PTPRN2: variants seen among roughly 807,000 people sequenced by gnomAD.
PTPRN2 encodes protein tyrosine phosphatase receptor type N2.
A neutral mutation model predicts 118.8 loss-of-function variants in PTPRN2; 74 were observed. The ratio of observed to expected loss-of-function variants is 0.62; its 90% CI spans 0.52 to 0.76. The LOEUF is 0.76. Among genes scored for constraint, PTPRN2 ranks in the 30% least tolerant of loss-of-function variants. The pLI, the probability that PTPRN2 is intolerant of heterozygous loss-of-function variation, is 0.00. For missense variants in PTPRN2, 1,481 were observed against 1,394.4 expected, an observed-to-expected ratio of 1.06 and a Z score of -0.99; for synonymous variants, 641 against 608.0, an observed-to-expected ratio of 1.05 and a Z score of -0.80.
intron 5 of PTPRN2, among the ~76,000 whole-genome samples, chr7:158,168,190 A>G (rs73745199): frequency 0.024 from 3,701 of 152,312 alleles, 129 homozygotes; most frequent in African/African-American, 0.071. Flanking sequence ...TTGTCCTAGC[A>G]GTTGGAAAGC....
At chr7:158,037,412 C>T (rs1808161651) in intron 11 of PTPRN2, among the ~76,000 whole-genome samples, 1 of 152,200 alleles carries the variant, frequency 6.6e-6, no homozygotes, top group East Asian at 1.9e-4. Context: ...CAGCCCACTG[C>T]ACACCCACAA....
rs78228522 is a variant in PTPRN2, at chr7:157,974,131, C to T, written c.1724-75394G>A. ...CTGGACGGTGGGTTGGCGGTGTTGACGCTGCACAGGTCATGAGCGCCGGCC... is the reference window on the plus strand; with the variant it reads ...CTGGACGGTGGGTTGGCGGTGTTGATGCTGCACAGGTCATGAGCGCCGGCC... On this transcript the variant is annotated intron_variant, in intron 11 of 22. Transcript: ENST00000389418. This position sits in a 1 kb window ranked among gnomAD's most constrained non-coding sequence, Gnocchi z 4.0. Among the ~76,000 whole-genome samples the T allele has an allele frequency of 6.2e-3, 937 of 152,308 alleles. 8 individuals are homozygous for T. The highest frequency in any genetic ancestry group is 0.021 in the African/African-American group (893 of 41,558).
Position 158,322,168 on chromosome 7 carries a change from G to A in PTPRN2, c.164-5236C>T, listed in dbSNP as rs894096197. 3.3e-5 allele frequency among the ~76,000 whole-genome samples: 5 copies of A among 152,058 alleles called. No individual in the cohort carries two copies. In the East Asian group the frequency reaches 9.6e-4, roughly 29 times the overall value. ...TTGGCTGCCTCCGCCCCACACCCTCGTCCCAGGGAAGCCACAGCTCTGCCC... is the reference window on the plus strand; with the variant it reads ...TTGGCTGCCTCCGCCCCACACCCTCATCCCAGGGAAGCCACAGCTCTGCCC... On this transcript the variant is annotated intron_variant, in intron 2 of 22. Coordinates refer to ENST00000389418, the MANE Select transcript of PTPRN2 (RefSeq NM_002847.5).
rs577862671 is a variant in PTPRN2, at chr7:158,034,556, C to T, written c.1723+46742G>A. 2.3e-4 allele frequency among the ~76,000 whole-genome samples: 35 copies of T among 152,316 alleles called. No individual in the cohort carries two copies. The South Asian group carries it at 6.8e-3, about 30-fold the overall frequency. ...CTTGCCTTCCACCATGATTGTGAGG[C>T]CTCCCCAGCCACATGGAACTGTAAG... On this transcript the variant is annotated intron_variant, in intron 11 of 22. Transcript: ENST00000389418.
intron 11 of PTPRN2, among the ~76,000 whole-genome samples, chr7:157,956,324 TCCA>T (rs1801185117): frequency 6.6e-6 from 1 of 152,078 alleles, no homozygotes; most frequent in African/African-American, 2.4e-5. Context: ...ATCGCTCCGG[TCCA>T]CATCTGGGTT....
chr7:158,368,812 G>C (rs1278705966), intron 2 of PTPRN2, among the ~76,000 whole-genome samples: 1 of 152,228 alleles, frequency 6.6e-6, no homozygotes, highest in Non-Finnish European at 1.5e-5. Flanking sequence ...TTTAGGACGA[G>C]AGCTCTGCCA....
In PTPRN2 at chr7:157,893,848, G is replaced by A. The variant is rs1486100096; in HGVS notation, c.1788+4825C>T. Reference sequence around the variant, plus strand: ...GGAGGAGGGAGCCAGGCCCTGGAGAGTCCAATCTGTAGAACTCACGGAGGA... The same window carrying A: ...GGAGGAGGGAGCCAGGCCCTGGAGAATCCAATCTGTAGAACTCACGGAGGA... On this transcript the variant is annotated intron_variant, in intron 12 of 22. Coordinates refer to ENST00000389418, the MANE Select transcript of PTPRN2 (RefSeq NM_002847.5). This position sits in a 1 kb window ranked among gnomAD's most constrained non-coding sequence, Gnocchi z 4.0. Among the ~76,000 whole-genome samples, 1 of 152,192 alleles carries A rather than the reference G, an allele frequency of 6.6e-6. No individual in the cohort carries two copies. The highest frequency in any genetic ancestry group is 1.5e-5 in the Non-Finnish European group (1 of 68,048).
chr7:157,873,849 G>A (rs1260672884), intron 12 of PTPRN2, among the ~76,000 whole-genome samples: 1 of 152,162 alleles, frequency 6.6e-6, no homozygotes, highest in East Asian at 1.9e-4. Context: ...AAGAGGAGGT[G>A]GAAAGCGGAG....
chr7:158,399,399 C>G (rs1210958630), intron 2 of PTPRN2, among the ~76,000 whole-genome samples: 1 of 152,184 alleles, frequency 6.6e-6, no homozygotes, highest in African/African-American at 2.4e-5. Flanking sequence ...CACCTGTGAT[C>G]TCAGTGTTTT....
intron 12 of PTPRN2, among the ~76,000 whole-genome samples, chr7:157,822,881 C>T (rs1806939069): frequency 6.6e-6 from 1 of 151,994 alleles, no homozygotes; most frequent in Admixed American, 6.6e-5. Flanking sequence ...TCCTTCCTCT[C>T]ATCCATCAGC....
intron 12 of PTPRN2, among the ~76,000 whole-genome samples, chr7:157,871,813 A>G (rs757113170): frequency 7.0e-4 from 106 of 151,722 alleles, no homozygotes; most frequent in Non-Finnish European, 1.3e-3. Flanking sequence ...ACACACCCAC[A>G]AAAATGCACA....
intron 17 of PTPRN2, 141 bp downstream of exon 17, chr7:157,595,097 G>T: frequency 1.3e-6 from 1 of 773,332 alleles, no homozygotes; most frequent in Non-Finnish European, 2.1e-6. Flanking sequence ...AATATGAACA[G>T]ACTGAAATTC....
At chr7:158,177,556 C>T (rs182378948) in intron 5 of PTPRN2, among the ~76,000 whole-genome samples, 25 of 152,344 alleles carry the variant, frequency 1.6e-4, no homozygotes, top group Non-Finnish European at 2.9e-4. Flanking sequence ...TCCCTGTCCA[C>T]AGCTCCAGGC....
intron 12 of PTPRN2, chr7:157,740,440 G>A (rs1325540473): frequency 1.1e-4 from 14 of 130,078 alleles, no homozygotes; most frequent in Admixed American, 1.0e-3. Context: ...GGCAAGGCAG[G>A]GGGAGCCTCA....
intron 12 of PTPRN2, among the ~76,000 whole-genome samples, chr7:157,815,861 C>A (rs1441553929): frequency 6.6e-6 from 1 of 152,216 alleles, no homozygotes; most frequent in African/African-American, 2.4e-5. Context: ...CACGCTCAGG[C>A]GGTGACACGT....
Position 157,597,295 on chromosome 7 carries a change from T to C in PTPRN2, c.2419-1980A>G, listed in dbSNP as rs138194534. Reference sequence around the variant, plus strand: ...AACACACACAATACAGGTAAAATTATGTTACCGTCGCTGAAAGCCCCAATT... The same window carrying C: ...AACACACACAATACAGGTAAAATTACGTTACCGTCGCTGAAAGCCCCAATT... On this transcript the variant is annotated intron_variant, in intron 16 of 22. Transcript: ENST00000389418. Among the ~76,000 whole-genome samples, 566 of 152,326 alleles carry C rather than the reference T, an allele frequency of 3.7e-3. 3 individuals are homozygous for C. Among genetic ancestry groups the C allele is most frequent in the African/African-American group, 0.013 (542 of 41,566 alleles).
At chr7:158,341,376 C>G (rs1374941325) in intron 2 of PTPRN2, among the ~76,000 whole-genome samples, 10 of 150,766 alleles carry the variant, frequency 6.6e-5, no homozygotes, top group Non-Finnish European at 1.0e-4. Flanking sequence ...AGACGTCACT[C>G]ACACCCACAC....
At position 157,977,776 on chromosome 7, in the gene PTPRN2, T is replaced by A. The variant is rs1413876684; in HGVS notation, c.1724-79039A>T. Among the ~76,000 whole-genome samples, 6 of 151,678 alleles carry A rather than the reference T, an allele frequency of 4.0e-5. No individual in the cohort carries two copies. The highest frequency in any genetic ancestry group is 2.6e-4 in the Admixed American group (4 of 15,240). On this transcript the variant is annotated intron_variant, in intron 11 of 22. Transcript: ENST00000389418. This position sits in a 1 kb window ranked among gnomAD's most constrained non-coding sequence, Gnocchi z 4.6. Reference sequence around the variant, plus strand: ...CTCGAGAGGCTGCAGCAGGGACACTTGAAGATCTAGTGACACCTAAGAGCT... The same window carrying A: ...CTCGAGAGGCTGCAGCAGGGACACTAGAAGATCTAGTGACACCTAAGAGCT...
chr7:158,292,137 G>A (rs1452070289), intron 3 of PTPRN2, among the ~76,000 whole-genome samples: 1 of 152,174 alleles, frequency 6.6e-6, no homozygotes, highest in African/African-American at 2.4e-5. Context: ...TTTCAGAAAT[G>A]CCAGGGTTTT....
Sources: gnomAD v4.1 joint callset for allele counts (sites outside exome capture counted in the v4.1 genomes callset) on GRCh38, gnomAD v4.1.1 for gene constraint, Gnocchi (gnomAD v3.1) non-coding constraint, MANE v1.5 for transcripts, NCBI Gene and HGNC (gene_info 2026-07-23, HGNC 2026-07-21) for gene names.